The following DNM3 variants were observed in gnomAD, a reference collection of about 807,000 sequenced individuals.
DNM3 encodes dynamin-3.
A neutral mutation model predicts 101.6 loss-of-function variants in DNM3; 47 were observed. The ratio of observed to expected loss-of-function variants is 0.46; its 90% CI spans 0.37 to 0.59. DNM3 has a LOEUF of 0.59. Ranked by LOEUF, DNM3 falls within the 20% of genes least tolerant of loss-of-function variation. The pLI is 0.00. For missense variants in DNM3, 849 were observed against 1,085.7 expected (o/e 0.78, Z 3.06); for synonymous variants, 385 against 387.9 (o/e 0.99, Z 0.09).
chr1:172,326,416 C>T (rs1315855158), intron 17 of DNM3, among the ~76,000 whole-genome samples: 1 of 152,162 alleles, frequency 6.6e-6, no homozygotes, highest in East Asian at 1.9e-4. Context: ...ATCCAGGACA[C>T]CCTGAGTCAG....
At chr1:172,267,226 G>C (rs1209384874) in intron 15 of DNM3, among the ~76,000 whole-genome samples, 1 of 152,202 alleles carries the variant, frequency 6.6e-6, no homozygotes, top group Non-Finnish European at 1.5e-5. Context: ...TGTATCCCCA[G>C]GGCCTAACAC....
intron 2 of DNM3, among the ~76,000 whole-genome samples, chr1:171,927,225 CA>C (rs1297675801): frequency 6.6e-6 from 1 of 152,210 alleles, no homozygotes; most frequent in Non-Finnish European, 1.5e-5. Context: ...CAATACACAA[CA>C]ATCAGTTGTA....
intron 14 of DNM3, among the ~76,000 whole-genome samples, chr1:172,205,970 T>A (rs1195368778): frequency 2.0e-5 from 3 of 152,104 alleles, no homozygotes; most frequent in Non-Finnish European, 4.4e-5. Flanking sequence ...ATTTGCAGTA[T>A]CATGTGTTGG....
At chr1:172,168,480 G>C (rs745355519) in intron 14 of DNM3, among the ~76,000 whole-genome samples, 2 of 151,978 alleles carry the variant, frequency 1.3e-5, no homozygotes, top group Non-Finnish European at 2.9e-5. Context: ...ATTGAGAACA[G>C]CTCTCTGGAA....
At chr1:171,893,868 A>G (rs1281470181) in intron 1 of DNM3, among the ~76,000 whole-genome samples, 2 of 152,194 alleles carry the variant, frequency 1.3e-5, no homozygotes, top group Non-Finnish European at 2.9e-5. Flanking sequence ...ACTTTTGAGT[A>G]AGTATTGTTA....
At chr1:171,940,321 A>G (rs1260344556) in intron 2 of DNM3, among the ~76,000 whole-genome samples, 1 of 152,108 alleles carries the variant, frequency 6.6e-6, no homozygotes, top group Non-Finnish European at 1.5e-5. Context: ...AAGTTTTTGC[A>G]TTCATTTATT....
chr1:171,961,132 C>T (rs141321692), intron 2 of DNM3, among the ~76,000 whole-genome samples: 1 of 152,166 alleles, frequency 6.6e-6, no homozygotes, highest in African/African-American at 2.4e-5. Flanking sequence ...AGGTTTACAG[C>T]AGGAAAAGTG....
intron 10 of DNM3, among the ~76,000 whole-genome samples, chr1:172,068,113 A>G (rs1392278386): frequency 6.6e-6 from 1 of 152,208 alleles, no homozygotes; most frequent in African/African-American, 2.4e-5. Context: ...GGATCACCTG[A>G]GGTCAGAAGT....
At chr1:172,142,019 A>G (rs940387301) in intron 14 of DNM3, 1 of 152,096 alleles carries the variant, frequency 6.6e-6, no homozygotes, top group Non-Finnish European at 1.5e-5. Context: ...CAATTTATCA[A>G]TCATTCACAT....
chr1:171,914,457 G>A (rs1335227179), intron 1 of DNM3, among the ~76,000 whole-genome samples: 2 of 152,140 alleles, frequency 1.3e-5, no homozygotes, highest in African/African-American at 4.8e-5. Context: ...ACAGCTGGCT[G>A]AGATTTCTCT....
intron 2 of DNM3, among the ~76,000 whole-genome samples, chr1:171,925,796 GA>G (rs1211126843): frequency 1.3e-5 from 2 of 152,120 alleles, no homozygotes; most frequent in Non-Finnish European, 2.9e-5. Flanking sequence ...GATGTCTGGA[GA>G]AGTTTTTCCT....
chr1:172,346,813 T>C (rs887797126), intron 17 of DNM3, among the ~76,000 whole-genome samples: 4 of 152,180 alleles, frequency 2.6e-5, no homozygotes, highest in Non-Finnish European at 4.4e-5. Flanking sequence ...ATTTTTGAGA[T>C]CTTGTGCCTC....
At chr1:171,948,489 T>C (rs6660293) in intron 2 of DNM3, among the ~76,000 whole-genome samples, 1,816 of 152,300 alleles carry the variant, frequency 0.012, 25 homozygotes, top group African/African-American at 0.042. Flanking sequence ...AACTGTCAAA[T>C]GGCCAATGCC....
chr1:171,987,792 C>T lies in DNM3; in HGVS notation c.372C>T (p.Val124=). The T allele has an allele frequency of 1.9e-6, 3 of 1,562,326 alleles. No individual in the cohort carries two copies. The highest frequency in any genetic ancestry group is 2.6e-6 in the Non-Finnish European group (3 of 1,160,624). The part of the protein sequence containing the change: ...GISSIPINLR[V]YSPHVLNLTL... ...CCTCCATACCCATTAATTTACGAGT[C>T]TATTCCCCACACGGTAAGTAAAATA... The change falls in exon 3 of 21, where the codon GTC becomes GTT. Residue 124 remains valine (V), a synonymous_variant. Coordinates refer to ENST00000627582, the MANE Select transcript of DNM3 (RefSeq NM_015569.5).
Position 171,942,748 on chromosome 1 carries a change from T to A in DNM3, c.235+20927T>A, listed in dbSNP as rs59123048. ...GTTTTATGGAGTTTTTGTATGTCAC[T>A]AAGTCTTCCTGGAGCTGAAAGGGTG... On this transcript the variant is annotated intron_variant, in intron 2 of 20. Coordinates refer to ENST00000627582, the MANE Select transcript of DNM3 (RefSeq NM_015569.5). 6.5e-3 allele frequency among the ~76,000 whole-genome samples: 988 copies of A among 152,300 alleles called. 16 individuals carry two copies. The highest frequency in any genetic ancestry group is 0.022 in the African/African-American group (895 of 41,570).
At chr1:172,234,489 C>T (rs2061461289) in intron 14 of DNM3, among the ~76,000 whole-genome samples, 1 of 152,232 alleles carries the variant, frequency 6.6e-6, no homozygotes, top group East Asian at 1.9e-4. Context: ...ATGCCATCCC[C>T]ATCAAGCTAC....
chr1:171,981,681 T>G (rs1326625474), intron 2 of DNM3, among the ~76,000 whole-genome samples: 1 of 152,256 alleles, frequency 6.6e-6, no homozygotes, highest in Non-Finnish European at 1.5e-5. Context: ...CCTTTTTTCC[T>G]TCCTAATCAT....
rs141601244 is a variant in DNM3, at chr1:172,055,859, C to T, written c.1335+7109C>T. Among the ~76,000 whole-genome samples, 940 of 152,294 alleles carry T rather than the reference C, an allele frequency of 6.2e-3. 18 individuals carry two copies. The highest frequency in any genetic ancestry group is 0.021 in the African/African-American group (889 of 41,554). The stretch of plus-strand genomic sequence containing the variant: ...AGGAGCCAAGATGGCCAAATAGGAA[C>T]AGCTTCGGTCTACAGCTCCCAGCAT... On this transcript the variant is annotated intron_variant, in intron 10 of 20. Transcript: ENST00000627582.
At chr1:172,296,050 C>T (rs1413653577) in intron 15 of DNM3, among the ~76,000 whole-genome samples, 1 of 149,088 alleles carries the variant, frequency 6.7e-6, no homozygotes, top group Non-Finnish European at 1.5e-5. Context: ...TGGAGAATCA[C>T]TTTTAAGTTA....
Sources: gnomAD v4.1 joint callset for allele counts (sites outside exome capture counted in the v4.1 genomes callset) on GRCh38, gnomAD v4.1.1 for gene constraint, MANE v1.5 for transcripts, NCBI Gene and HGNC (gene_info 2026-07-23, HGNC 2026-07-21) for gene names.